The following IGSF11 variants were observed in gnomAD, a reference collection of about 807,000 sequenced individuals.
IGSF11 encodes immunoglobulin superfamily member 11.
In IGSF11, 22 loss-of-function variants were observed where a neutral mutation model predicts 41.0. The observed-to-expected ratio is 0.54, with a 90% confidence interval of 0.38 to 0.77. The LOEUF (loss-of-function observed/expected upper bound fraction) is 0.77, where lower values mean the gene tolerates loss of function less well. Among genes scored for constraint, IGSF11 ranks in the 30% least tolerant of loss-of-function variants. The pLI is 0.00. For synonymous variants in IGSF11, 219 were observed against 201.3 expected (o/e 1.09, Z -0.74); for missense variants, 444 against 530.8 (o/e 0.84, Z 1.61).
intron 1 of IGSF11, among the ~76,000 whole-genome samples, chr3:118,982,531 T>C (rs1016067402): frequency 1.3e-5 from 2 of 152,196 alleles, no homozygotes. Flanking sequence ...AATTCTATTA[T>C]AGGATATGGG....
rs1182035022 is a variant in IGSF11, at chr3:118,901,024, G to GGTAA, written c.*1492_*1495dup. 1 of 152,584 alleles carries GGTAA rather than the reference G, an allele frequency of 6.6e-6. No individual in the cohort carries two copies. The highest frequency in any genetic ancestry group is 2.4e-5 in the African/African-American group (1 of 41,446). 9.5% of individuals were successfully genotyped at this position (152,584 alleles called of 1,614,324 possible). A position where few individuals can be genotyped will look rare whatever the true frequency, so the allele number is the denominator to read the frequency against. ...AGGAGAAGAGAGCAAAAAGTATGGT[G>GGTAA]GTAAGAGGGAGTAAGAGAACACATC... On this transcript the variant is annotated 3_prime_UTR_variant, in exon 7 of 7. Coordinates refer to ENST00000393775, the MANE Select transcript of IGSF11 (RefSeq NM_001015887.3).
chr3:119,078,602 C>A (rs564500920), intron 1 of IGSF11, among the ~76,000 whole-genome samples: 299 of 152,246 alleles, frequency 2.0e-3, no homozygotes, highest in African/African-American at 6.4e-3. Flanking sequence ...AAACCTAAAA[C>A]TATAAAAACC....
chr3:119,114,538 C>T (rs946970547), intron 1 of IGSF11, among the ~76,000 whole-genome samples: 5 of 152,212 alleles, frequency 3.3e-5, no homozygotes, highest in Non-Finnish European at 7.3e-5. Flanking sequence ...GTGATCTTTG[C>T]TACAGTTCCC....
intron 1 of IGSF11, among the ~76,000 whole-genome samples, chr3:118,956,064 A>G (rs900448576): frequency 1.3e-5 from 2 of 152,172 alleles, no homozygotes; most frequent in Admixed American, 1.3e-4. Context: ...TGTTATGAAG[A>G]CAACTTCCTT....
intron 1 of IGSF11, among the ~76,000 whole-genome samples, chr3:118,993,639 A>C (rs1935996156): frequency 6.6e-6 from 1 of 152,246 alleles, no homozygotes; most frequent in African/African-American, 2.4e-5. Context: ...AAAAATAAAA[A>C]GTTATATATC....
intron 1 of IGSF11, among the ~76,000 whole-genome samples, chr3:119,116,893 G>T (rs2077263431): frequency 6.6e-6 from 1 of 152,054 alleles, no homozygotes; most frequent in Non-Finnish European, 1.5e-5. Flanking sequence ...ACCCAGAAGT[G>T]ATTTGGCCTG....
At chr3:119,113,475 A>G (rs1457942814) in intron 1 of IGSF11, among the ~76,000 whole-genome samples, 1 of 152,234 alleles carries the variant, frequency 6.6e-6, no homozygotes, top group Non-Finnish European at 1.5e-5. Context: ...GATGACACTC[A>G]TTAAATCTTA....
intron 1 of IGSF11, among the ~76,000 whole-genome samples, chr3:118,981,206 G>A (rs564861878): frequency 3.3e-5 from 5 of 152,030 alleles, no homozygotes; most frequent in African/African-American, 7.3e-5. Flanking sequence ...GTTCTCACTC[G>A]TCACCCAGGC....
chr3:118,973,442 T>G (rs1447160953), intron 1 of IGSF11, among the ~76,000 whole-genome samples: 1 of 152,064 alleles, frequency 6.6e-6, no homozygotes, highest in Admixed American at 6.6e-5. Context: ...TGAAAGGAAA[T>G]TAAACAAAGG....
intron 1 of IGSF11, among the ~76,000 whole-genome samples, chr3:119,086,743 C>A (rs768932268): frequency 6.6e-6 from 1 of 152,178 alleles, no homozygotes; most frequent in South Asian, 2.1e-4. Context: ...ATAAGCCTTA[C>A]AAGAAGTCCT....
chr3:119,093,822 G>A (rs1346295265), intron 1 of IGSF11, among the ~76,000 whole-genome samples: 1 of 152,038 alleles, frequency 6.6e-6, no homozygotes, highest in African/African-American at 2.4e-5. Context: ...CTCATACTGT[G>A]GCACAGATAG....
intron 1 of IGSF11, among the ~76,000 whole-genome samples, chr3:118,932,049 T>C (rs1942905716): frequency 6.6e-6 from 1 of 152,204 alleles, no homozygotes; most frequent in Admixed American, 6.5e-5. Flanking sequence ...CACTGAATTT[T>C]ATACTTCAAA....
At chr3:118,963,552 T>A (rs925051981) in intron 1 of IGSF11, among the ~76,000 whole-genome samples, 1 of 152,090 alleles carries the variant, frequency 6.6e-6, no homozygotes, top group African/African-American at 2.4e-5. Flanking sequence ...AAGAGACTCA[T>A]GGAGATAGGA....
intron 1 of IGSF11, among the ~76,000 whole-genome samples, chr3:119,067,897 T>C (rs1311685469): frequency 6.6e-6 from 1 of 152,182 alleles, no homozygotes; most frequent in African/African-American, 2.4e-5. Context: ...TCTGATACCT[T>C]TAAAAACGTA....
chr3:118,937,745 T>C (rs931032713), intron 1 of IGSF11, among the ~76,000 whole-genome samples: 2 of 152,224 alleles, frequency 1.3e-5, no homozygotes, highest in African/African-American at 4.8e-5. Flanking sequence ...AAATTATATA[T>C]CTTCATTTTC....
intron 1 of IGSF11, among the ~76,000 whole-genome samples, chr3:119,084,710 C>G (rs747545962): frequency 6.6e-6 from 1 of 152,230 alleles, no homozygotes; most frequent in African/African-American, 2.4e-5. Context: ...AGTGCAGGCT[C>G]TACTGCCCAA....
At chr3:119,011,145 T>C (rs1053970894) in intron 1 of IGSF11, among the ~76,000 whole-genome samples, 1 of 152,126 alleles carries the variant, frequency 6.6e-6, no homozygotes, top group Non-Finnish European at 1.5e-5. Context: ...CGGCCATGTT[T>C]GGGAGGGAAG....
chr3:119,079,880 C>G (rs2076560796), intron 1 of IGSF11, among the ~76,000 whole-genome samples: 1 of 152,034 alleles, frequency 6.6e-6, no homozygotes, highest in Admixed American at 6.6e-5. Context: ...CAGGGCCTAC[C>G]TAAGAGTGGA....
intron 1 of IGSF11, among the ~76,000 whole-genome samples, chr3:119,064,391 G>A (rs186819290): frequency 6.6e-6 from 1 of 152,042 alleles, no homozygotes; most frequent in Non-Finnish European, 1.5e-5. Flanking sequence ...TGTTCTCACT[G>A]GTCAATTACT....
Sources: gnomAD v4.1 joint callset for allele counts (sites outside exome capture counted in the v4.1 genomes callset) on GRCh38, gnomAD v4.1.1 for gene constraint, MANE v1.5 for transcripts, NCBI Gene and HGNC (gene_info 2026-07-23, HGNC 2026-07-21) for gene names.